Variants in KDM4B observed in about 807,000 individuals in gnomAD.
The protein encoded by KDM4B is lysine-specific demethylase 4B.
A neutral mutation model predicts 125.2 loss-of-function variants in KDM4B; 32 were observed. The ratio of observed to expected loss-of-function variants is 0.26; its 90% CI spans 0.19 to 0.34. KDM4B has a LOEUF of 0.34. Among genes scored for constraint, KDM4B ranks in the 10% least tolerant of loss-of-function variants. KDM4B has a pLI of 1.00. For synonymous variants in KDM4B, 721 were observed against 677.9 expected, an observed-to-expected ratio of 1.06 and a Z score of -0.99; for missense variants, 1,190 against 1,577.7, an observed-to-expected ratio of 0.75 and a Z score of 4.16.
intron 1 of KDM4B, among the ~76,000 whole-genome samples, chr19:4,973,171 A>G (rs2034320629): frequency 1.3e-5 from 2 of 152,188 alleles, no homozygotes. Context: ...TGGAACGTTA[A>G]TGTGCTAGTT....
At chr19:5,037,081 G>A (rs2036651486) in intron 3 of KDM4B, among the ~76,000 whole-genome samples, 1 of 152,248 alleles carries the variant, frequency 6.6e-6, no homozygotes, top group South Asian at 2.1e-4. Context: ...CAAGAGCAGA[G>A]GAATCGGGAG....
At chr19:5,053,561 A>G (rs2037299504) in intron 6 of KDM4B, among the ~76,000 whole-genome samples, 1 of 152,132 alleles carries the variant, frequency 6.6e-6, no homozygotes. Flanking sequence ...AGGCCTCAGC[A>G]CTTCCTCCCT....
chr19:5,040,589 G>A (rs562125664), intron 4 of KDM4B, among the ~76,000 whole-genome samples: 13 of 152,306 alleles, frequency 8.5e-5, no homozygotes, highest in African/African-American at 3.1e-4. Context: ...TACCGGCAGT[G>A]TTCCGAGTAC....
At chr19:5,006,280 C>T (rs1025009068) in intron 1 of KDM4B, among the ~76,000 whole-genome samples, 7 of 152,082 alleles carry the variant, frequency 4.6e-5, no homozygotes, top group African/African-American at 1.7e-4. Context: ...GCGGAACCCC[C>T]ATCCCCTGGG....
Position 5,138,038 on chromosome 19 carries a change from A to C in KDM4B, c.2518A>C (p.Ile840Leu), listed in dbSNP as rs754177681. Residue 840 changes from isoleucine to leucine, a missense_variant, in exon 18 of 23, where the codon ATC (isoleucine) becomes CTC (leucine). Physicochemically the swap from Ile to Leu is conservative, Grantham distance 5 (BLOSUM62 2). Transcript: ENST00000159111. ...CGTGATTGAGCGCCACCCTGTGGAC[A>C]TCAGCGCCATCCCCGAGCAGCGGTG... ...LNVIERHPVD[I>L]SAIPEQRWKL... is the part of the protein sequence containing the mutation. 1 of 1,612,610 alleles carries C rather than the reference A, an allele frequency of 6.2e-7. No individual in the cohort carries two copies. Among genetic ancestry groups the C allele is most frequent in the Non-Finnish European group, 8.5e-7 (1 of 1,179,860 alleles).
chr19:4,980,569 A>T (rs1006529174), intron 1 of KDM4B, among the ~76,000 whole-genome samples: 2 of 151,224 alleles, frequency 1.3e-5, no homozygotes, highest in African/African-American at 4.9e-5. Context: ...GATTACAGGC[A>T]CCTGCCACCA....
chr19:4,981,444 C>T (rs750016944), intron 1 of KDM4B, among the ~76,000 whole-genome samples: 4 of 152,166 alleles, frequency 2.6e-5, no homozygotes, highest in Admixed American at 1.3e-4. Flanking sequence ...TTGGAGAGCA[C>T]GCTGCTCCCT....
intron 9 of KDM4B, among the ~76,000 whole-genome samples, chr19:5,092,245 C>T (rs1315093547): frequency 1.3e-5 from 2 of 152,164 alleles, no homozygotes; most frequent in Non-Finnish European, 1.5e-5. Flanking sequence ...GGGCTGGGGC[C>T]GTCCTGGGCA....
rs1166027923 is a variant in KDM4B, at chr19:5,029,748, G to A, written c.-25-3118G>A. Among the ~76,000 whole-genome samples, 5 of 152,350 alleles carry A rather than the reference G, an allele frequency of 3.3e-5. No homozygotes were observed. The East Asian group carries it at 9.7e-4, about 29-fold the overall frequency. On this transcript the variant is annotated intron_variant, in intron 2 of 22. Transcript: ENST00000159111. ...AGGCTGAGGCGGGAGGATGGCTTGA[G>A]CCCAGGAGGTTGAGGCTGCAGTGAA...
At chr19:5,130,620 A>G (rs1443645569) in intron 11 of KDM4B, among the ~76,000 whole-genome samples, 1 of 152,274 alleles carries the variant, frequency 6.6e-6, no homozygotes, top group African/African-American at 2.4e-5. Flanking sequence ...CATCAACAGT[A>G]GAAATGTACG....
chr19:5,139,748 C>G (rs910789622), intron 18 of KDM4B, among the ~76,000 whole-genome samples: 1 of 152,246 alleles, frequency 6.6e-6, no homozygotes, highest in Admixed American at 6.5e-5. Flanking sequence ...GCTCCTTCGC[C>G]CATTCCGTGC....
intron 6 of KDM4B, among the ~76,000 whole-genome samples, chr19:5,057,029 C>CGTGTGTGTGT (rs74170763): frequency 8.1e-4 from 117 of 144,172 alleles, no homozygotes; most frequent in African/African-American, 2.9e-3. Context: ...GATATATATG[C>CGTGTGTGTGT]GTGTGTGTGT....
chr19:4,978,000 G>C (rs2034507320), intron 1 of KDM4B, among the ~76,000 whole-genome samples: 1 of 152,208 alleles, frequency 6.6e-6, no homozygotes, highest in Non-Finnish European at 1.5e-5. Flanking sequence ...CTGTCAGACA[G>C]TGTTGGCTGT....
rs1464337273 is a variant in KDM4B, at chr19:5,115,062, C to T, written c.1115+4244C>T. Among the ~76,000 whole-genome samples, 2 of 152,196 alleles carry T rather than the reference C, an allele frequency of 1.3e-5. No homozygotes were observed. Among genetic ancestry groups the T allele is most frequent in the African/African-American group, 2.4e-5 (1 of 41,450 alleles). ...GAGAGGGGGCAGTGGCAGCTGAGCA[C>T]GTCTCCAGGCTTTGAAAAGCAGGGA... On this transcript the variant is annotated intron_variant, in intron 10 of 22. Transcript: ENST00000159111. The surrounding 1 kb of genome is among the most constrained non-coding windows in gnomAD (Gnocchi z 4.2).
chr19:5,103,170 C>G (rs957149843), intron 9 of KDM4B, among the ~76,000 whole-genome samples: 1 of 152,248 alleles, frequency 6.6e-6, no homozygotes. Context: ...CTGCAGGCAC[C>G]GGGCAGCCCT....
chr19:5,121,034 G>C (rs2039350877), intron 11 of KDM4B, among the ~76,000 whole-genome samples: 1 of 152,240 alleles, frequency 6.6e-6, no homozygotes, highest in African/African-American at 2.4e-5. Flanking sequence ...GCCCAGCTGT[G>C]GTGCCATTCA....
chr19:5,028,301 C>T (rs2145596140), intron 2 of KDM4B, among the ~76,000 whole-genome samples: 1 of 152,296 alleles, frequency 6.6e-6, no homozygotes, highest in Middle Eastern at 3.4e-3. Flanking sequence ...CATTGGCATC[C>T]CCTACAGAGA....
intron 3 of KDM4B, among the ~76,000 whole-genome samples, chr19:5,033,748 TTCTCTC>T (rs142326261): frequency 8.6e-5 from 13 of 151,356 alleles, no homozygotes; most frequent in Non-Finnish European, 1.6e-4. Context: ...TTATTGGTTC[TTCTCTC>T]TCTCTCTCTC....
chr19:4,992,741 G>T (rs2035068637), intron 1 of KDM4B, among the ~76,000 whole-genome samples: 1 of 152,142 alleles, frequency 6.6e-6, no homozygotes, highest in African/African-American at 2.4e-5. Flanking sequence ...ATGAGCCACT[G>T]TGTCTGGCCA....
Sources: gnomAD v4.1 joint callset for allele counts (sites outside exome capture counted in the v4.1 genomes callset) on GRCh38, gnomAD v4.1.1 for gene constraint, Gnocchi (gnomAD v3.1) non-coding constraint, MANE v1.5 for transcripts, NCBI Gene and HGNC (gene_info 2026-07-23, HGNC 2026-07-21) for gene names.